Variants in HDAC9 observed in about 807,000 individuals in gnomAD.
The protein encoded by HDAC9 is histone deacetylase 9, also known as MEF-2 interacting transcription repressor (MITR) protein.
A neutral mutation model predicts 139.4 loss-of-function variants in HDAC9; 41 were observed. The ratio of observed to expected loss-of-function variants is 0.29; its 90% CI spans 0.23 to 0.38. The LOEUF (loss-of-function observed/expected upper bound fraction) is 0.38. HDAC9 is among the 10% of genes least tolerant of loss of function. The pLI is 1.00. For missense variants in HDAC9, 1,147 were observed against 1,297.0 expected (o/e 0.88, Z 1.78); for synonymous variants, 517 against 476.2 (o/e 1.09, Z -1.12).
chr7:18,432,316 A>G (rs1305113210), intron 1 of HDAC9, among the ~76,000 whole-genome samples: 1 of 152,076 alleles, frequency 6.6e-6, no homozygotes, highest in African/African-American at 2.4e-5. Flanking sequence ...TCCATCCATT[A>G]CCTGTCTGTT....
At chr7:18,734,150 G>C (rs1786661011) in intron 13 of HDAC9, among the ~76,000 whole-genome samples, 1 of 152,028 alleles carries the variant, frequency 6.6e-6, no homozygotes, top group African/African-American at 2.4e-5. Context: ...TTCACTTCCT[G>C]TCTCTGAGTC....
chr7:18,601,154 A>C (rs1833832144), intron 6 of HDAC9, among the ~76,000 whole-genome samples: 1 of 152,174 alleles, frequency 6.6e-6, no homozygotes, highest in Non-Finnish European at 1.5e-5. Context: ...TCTTTCATCA[A>C]AGTTTTCTAG....
chr7:18,720,729 T>C (rs1220815120), intron 12 of HDAC9, among the ~76,000 whole-genome samples: 2 of 151,836 alleles, frequency 1.3e-5, no homozygotes, highest in African/African-American at 4.8e-5. Flanking sequence ...TCACTCAGGC[T>C]GGAGTCCAGT....
intron 15 of HDAC9, among the ~76,000 whole-genome samples, chr7:18,762,814 C>T (rs1439682789): frequency 1.3e-5 from 2 of 152,094 alleles, no homozygotes; most frequent in African/African-American, 4.8e-5. Flanking sequence ...AAATGCAAAA[C>T]TAGAAAACTA....
chr7:18,341,261 G>A (rs1400755394), intron 1 of HDAC9, among the ~76,000 whole-genome samples: 1 of 150,820 alleles, frequency 6.6e-6, no homozygotes, highest in East Asian at 2.0e-4. Flanking sequence ...CATGTGCCTG[G>A]TGGTTGTTGA....
At chr7:18,439,353 G>A (rs572590209) in intron 1 of HDAC9, among the ~76,000 whole-genome samples, 5 of 152,228 alleles carry the variant, frequency 3.3e-5, no homozygotes, top group African/African-American at 1.2e-4. Context: ...CTTCCCAATA[G>A]CAATGATAAA....
chr7:18,832,829 G>C (rs1043794456), intron 19 of HDAC9, among the ~76,000 whole-genome samples: 1 of 151,936 alleles, frequency 6.6e-6, no homozygotes, highest in Non-Finnish European at 1.5e-5. Flanking sequence ...TCCACCTCCC[G>C]GGTTCAAGCG....
chr7:18,571,063 C>T (rs1824114425), intron 2 of HDAC9, among the ~76,000 whole-genome samples: 1 of 152,230 alleles, frequency 6.6e-6, no homozygotes, highest in Non-Finnish European at 1.5e-5. Flanking sequence ...TCTTTAGGAG[C>T]AAAAGTGGTG....
intron 6 of HDAC9, among the ~76,000 whole-genome samples, chr7:18,601,729 C>T (rs1012874149): frequency 2.6e-5 from 4 of 152,218 alleles, no homozygotes; most frequent in Middle Eastern, 3.4e-3. Flanking sequence ...CTGATATAAT[C>T]GTACGATTTT....
At chr7:18,214,123 T>C (rs552507331) in intron 2 of HDAC9, among the ~76,000 whole-genome samples, 1 of 152,284 alleles carries the variant, frequency 6.6e-6, no homozygotes, top group African/African-American at 2.4e-5. Context: ...TTATAAGGTA[T>C]ATATTTTTAT....
At chr7:18,437,459 A>G (rs1195852267) in intron 1 of HDAC9, among the ~76,000 whole-genome samples, 3 of 151,914 alleles carry the variant, frequency 2.0e-5, no homozygotes, top group Non-Finnish European at 4.4e-5. Context: ...GCTCCCATCA[A>G]AATATACACT....
chr7:18,388,156 G>A (rs191396479), intron 1 of HDAC9, among the ~76,000 whole-genome samples: 2 of 152,220 alleles, frequency 1.3e-5, no homozygotes, highest in East Asian at 1.9e-4. Flanking sequence ...TAAATGTTAT[G>A]ACTAAAAAAC....
chr7:18,475,928 A>T (rs1007435401), intron 1 of HDAC9, among the ~76,000 whole-genome samples: 2 of 152,210 alleles, frequency 1.3e-5, no homozygotes, highest in Admixed American at 1.3e-4. Context: ...ATAGTTAGGT[A>T]TGTTCTGTGG....
chr7:18,723,224 A>G (rs1409357902), intron 12 of HDAC9, among the ~76,000 whole-genome samples: 1 of 152,160 alleles, frequency 6.6e-6, no homozygotes, highest in African/African-American at 2.4e-5. Context: ...ATGATTTTAT[A>G]TATATCTCTC....
At chr7:18,682,502 A>G (rs1023859784) in intron 12 of HDAC9, among the ~76,000 whole-genome samples, 1 of 152,020 alleles carries the variant, frequency 6.6e-6, no homozygotes, top group Non-Finnish European at 1.5e-5. Context: ...CCATCCAAGA[A>G]AATTTGTTTT....
intron 24 of HDAC9, among the ~76,000 whole-genome samples, chr7:18,963,525 T>A (rs969638079): frequency 6.6e-6 from 1 of 152,112 alleles, no homozygotes; most frequent in African/African-American, 2.4e-5. Context: ...ATGAGATATA[T>A]TAGAATAATA....
intron 1 of HDAC9, among the ~76,000 whole-genome samples, chr7:18,140,327 G>A (rs940100068): frequency 6.6e-6 from 1 of 152,050 alleles, no homozygotes; most frequent in African/African-American, 2.4e-5. Context: ...AGAAGAAATT[G>A]TGGATATTGT....
chr7:18,127,863 A>C (rs1311509104), intron 1 of HDAC9, among the ~76,000 whole-genome samples: 1 of 151,978 alleles, frequency 6.6e-6, no homozygotes, highest in Non-Finnish European at 1.5e-5. Context: ...TTTGCTTTTG[A>C]TTCTTGTATA....
chr7:18,760,510 A>G (rs890737734), intron 14 of HDAC9, among the ~76,000 whole-genome samples: 1 of 152,196 alleles, frequency 6.6e-6, no homozygotes, highest in African/African-American at 2.4e-5. Flanking sequence ...TCAGCATCAG[A>G]ATTCTGATCT....
Sources: gnomAD v4.1 joint callset for allele counts (sites outside exome capture counted in the v4.1 genomes callset) on GRCh38, gnomAD v4.1.1 for gene constraint, MANE v1.5 for transcripts, NCBI Gene and HGNC (gene_info 2026-07-23, HGNC 2026-07-21) for gene names.